The following SHOC2 variants were observed in gnomAD, a reference collection of about 807,000 sequenced individuals.
The protein encoded by SHOC2 is leucine-rich repeat protein SHOC-2.
A neutral mutation model predicts 50.2 loss-of-function variants in SHOC2; 4 were observed. The ratio of observed to expected loss-of-function variants is 0.08; its 90% CI spans 0.04 to 0.18. The LOEUF (loss-of-function observed/expected upper bound fraction) is 0.18. Among genes scored for constraint, SHOC2 ranks in the 10% least tolerant of loss-of-function variants. The pLI is 1.00. For missense variants in SHOC2, 388 were observed against 669.6 expected (o/e 0.58, Z 4.64); for synonymous variants, 218 against 244.5 (o/e 0.89, Z 1.01).
At chr10:110,982,710 T>C (rs1353785779) in intron 2 of SHOC2, among the ~76,000 whole-genome samples, 1 of 152,182 alleles carries the variant, frequency 6.6e-6, no homozygotes, top group African/African-American at 2.4e-5. Flanking sequence ...GTTGTTTGTT[T>C]TTTTCTTGTA....
At chr10:110,924,981 G>A (rs1454404246) in intron 1 of SHOC2, among the ~76,000 whole-genome samples, 1 of 142,840 alleles carries the variant, frequency 7.0e-6, no homozygotes, top group East Asian at 2.1e-4. Context: ...TGAGGCAGGA[G>A]AATCTCTTGA....
chr10:110,948,786 A>T (rs987330689), intron 1 of SHOC2, among the ~76,000 whole-genome samples: 1 of 152,202 alleles, frequency 6.6e-6, no homozygotes, highest in African/African-American at 2.4e-5. Flanking sequence ...AAAAGAAGAT[A>T]ATCAAATGAA....
At position 110,992,973 on chromosome 10, in the gene SHOC2, A is replaced by T. The variant is rs1848211432; in HGVS notation, c.841+7208A>T. Among the ~76,000 whole-genome samples, 5 of 152,328 alleles carry T rather than the reference A, an allele frequency of 3.3e-5. No individual in the cohort carries two copies. In the South Asian group the frequency reaches 1.0e-3, roughly 32 times the overall value. ...TCTTACTCGAAAGTTATACTAAATT[A>T]AACTAAAGTTGCTGGTTATATTTGC... On this transcript the variant is annotated intron_variant, in intron 3 of 8. Transcript: ENST00000369452.
intron 1 of SHOC2, among the ~76,000 whole-genome samples, chr10:110,950,159 C>A (rs1262160996): frequency 6.6e-6 from 1 of 152,088 alleles, no homozygotes; most frequent in Admixed American, 6.5e-5. Context: ...CTAAGGACTC[C>A]GCCAAAAATG....
intron 2 of SHOC2, among the ~76,000 whole-genome samples, chr10:110,984,067 T>G (rs1393781264): frequency 6.6e-6 from 1 of 152,178 alleles, no homozygotes; most frequent in Non-Finnish European, 1.5e-5. Flanking sequence ...TTATGTTTAA[T>G]TTTTTGAAGA....
chr10:110,956,189 T>C (rs745750050), intron 1 of SHOC2, among the ~76,000 whole-genome samples: 1 of 150,092 alleles, frequency 6.7e-6, no homozygotes, highest in Non-Finnish European at 1.5e-5. Flanking sequence ...TTACATTTCA[T>C]GTCTTTTTTT....
intron 1 of SHOC2, among the ~76,000 whole-genome samples, chr10:110,933,868 AT>A (rs966151897): frequency 2.5e-4 from 37 of 149,578 alleles, no homozygotes; most frequent in Non-Finnish European, 4.5e-4. Context: ...ATATCTTTTG[AT>A]TTTTTTTTTA....
chr10:110,955,761 A>G (rs1049705819), intron 1 of SHOC2, among the ~76,000 whole-genome samples: 1 of 152,226 alleles, frequency 6.6e-6, no homozygotes, highest in Non-Finnish European at 1.5e-5. Context: ...TTTTTACTAA[A>G]GTACATTGTC....
chr10:110,963,727 T>A (rs1240740294), intron 1 of SHOC2, among the ~76,000 whole-genome samples: 1 of 152,192 alleles, frequency 6.6e-6, no homozygotes, highest in Non-Finnish European at 1.5e-5. Flanking sequence ...GCTTTAGTGT[T>A]TCTTTGTATA....
chr10:110,975,068 GATACA>G (rs1241910403), intron 2 of SHOC2, among the ~76,000 whole-genome samples: 2 of 151,710 alleles, frequency 1.3e-5, no homozygotes, highest in Non-Finnish European at 2.9e-5. Flanking sequence ...AATTAACAGT[GATACA>G]ATACAATAAA....
At chr10:110,975,417 C>T (rs1327333469) in intron 2 of SHOC2, among the ~76,000 whole-genome samples, 1 of 152,192 alleles carries the variant, frequency 6.6e-6, no homozygotes, top group Non-Finnish European at 1.5e-5. Context: ...GCTGGGATTA[C>T]AGGCGTGAGC....
At chr10:110,994,556 A>G (rs573565079) in intron 3 of SHOC2, among the ~76,000 whole-genome samples, 1 of 152,228 alleles carries the variant, frequency 6.6e-6, no homozygotes, top group Non-Finnish European at 1.5e-5. Context: ...GAAACACTTT[A>G]CAATGGTTAA....
intron 1 of SHOC2, among the ~76,000 whole-genome samples, chr10:110,930,665 T>TGGGAATATATA (rs1846875655): frequency 6.6e-6 from 1 of 151,834 alleles, no homozygotes; most frequent in Non-Finnish European, 1.5e-5. Flanking sequence ...TGGGAATACT[T>TGGGAATATATA]AAGTTGTGTA....
At chr10:110,924,443 C>G (rs1411507991) in intron 1 of SHOC2, among the ~76,000 whole-genome samples, 1 of 152,028 alleles carries the variant, frequency 6.6e-6, no homozygotes, top group Admixed American at 6.6e-5. Context: ...AATAAAAGCA[C>G]AAAGGTTAGA....
chr10:110,971,390 C>G (rs1184028296), intron 2 of SHOC2, among the ~76,000 whole-genome samples: 1 of 152,012 alleles, frequency 6.6e-6, no homozygotes, highest in Non-Finnish European at 1.5e-5. Context: ...TCTGGGTTCT[C>G]TACTCTATTC....
intron 1 of SHOC2, among the ~76,000 whole-genome samples, chr10:110,962,438 T>A (rs1259794533): frequency 6.6e-6 from 1 of 152,216 alleles, no homozygotes; most frequent in African/African-American, 2.4e-5. Context: ...TTTCTTAGTC[T>A]CTCTCCATCG....
intron 5 of SHOC2, among the ~76,000 whole-genome samples, chr10:111,006,813 C>T (rs1848477342): frequency 6.6e-6 from 1 of 152,170 alleles, no homozygotes; most frequent in South Asian, 2.1e-4. Context: ...ACCAATACCC[C>T]TAACACATAA....
chr10:111,006,033 A>G (rs1848460051), intron 5 of SHOC2, among the ~76,000 whole-genome samples: 1 of 152,246 alleles, frequency 6.6e-6, no homozygotes, highest in Non-Finnish European at 1.5e-5. Context: ...CAGTCTGGTT[A>G]TATGAGATTT....
At chr10:110,990,713 T>A (rs1235207180) in intron 3 of SHOC2, among the ~76,000 whole-genome samples, 1 of 152,052 alleles carries the variant, frequency 6.6e-6, no homozygotes, top group Non-Finnish European at 1.5e-5. Context: ...GGAAGCTTTG[T>A]TCTTTCGCTC....
Sources: allele counts gnomAD v4.1 joint callset (sites outside exome capture counted in the v4.1 genomes callset), GRCh38; gene constraint gnomAD v4.1.1; transcripts MANE v1.5; gene names NCBI Gene and HGNC (gene_info 2026-07-23, HGNC 2026-07-21).